PLCH1: variants seen among roughly 807,000 people sequenced by gnomAD.
PLCH1 encodes the protein phospholipase C eta 1.
A neutral mutation model predicts 126.7 loss-of-function variants in PLCH1; 60 were observed. That is an observed-to-expected ratio of 0.47 (90% confidence interval 0.38 to 0.59). The LOEUF (loss-of-function observed/expected upper bound fraction) is 0.59. PLCH1 is among the 20% of genes least tolerant of loss of function. The probability of loss-of-function intolerance (pLI) is 0.00; values close to 1 mark genes in which losing one functional copy is unlikely to be tolerated. For synonymous variants in PLCH1, 719 were observed against 734.9 expected (o/e 0.98, Z 0.35); for missense variants, 1,723 against 2,040.0 (o/e 0.84, Z 2.99).
chr3:155,724,418 G>T (rs533547466), intron 1 of PLCH1, among the ~76,000 whole-genome samples: 1 of 152,106 alleles, frequency 6.6e-6, no homozygotes, highest in African/African-American at 2.4e-5. Flanking sequence ...AAATTTGGGA[G>T]CTCCAGTGTC....
chr3:155,635,633 A>C (rs1257036559), intron 2 of PLCH1, among the ~76,000 whole-genome samples: 1 of 152,218 alleles, frequency 6.6e-6, no homozygotes, highest in Non-Finnish European at 1.5e-5. Flanking sequence ...CACTGAGCAA[A>C]TCCTACAGAG....
intron 21 of PLCH1, chr3:155,487,189 C>T (rs1393739307): frequency 6.6e-6 from 1 of 152,172 alleles, no homozygotes; most frequent in East Asian, 1.9e-4. Flanking sequence ...GCCAACATTT[C>T]TGAGCATTTA....
chr3:155,600,664 C>A (rs1304785923), intron 2 of PLCH1, among the ~76,000 whole-genome samples: 1 of 151,390 alleles, frequency 6.6e-6, no homozygotes, highest in Non-Finnish European at 1.5e-5. Context: ...GCCCATCACA[C>A]AGCACAAATA....
At chr3:155,742,055 C>A (rs545271796) in intron 1 of PLCH1, 1 of 152,158 alleles carries the variant, frequency 6.6e-6, no homozygotes, top group African/African-American at 2.4e-5. Context: ...CCAAATCAAT[C>A]GTTCTCCTTA....
chr3:155,725,669 A>G (rs1401093366), intron 1 of PLCH1, among the ~76,000 whole-genome samples: 1 of 152,006 alleles, frequency 6.6e-6, no homozygotes, highest in Admixed American at 6.6e-5. Flanking sequence ...TGAACTCCTG[A>G]CCTCAGGTGA....
At chr3:155,627,641 A>C (rs1213566630) in intron 2 of PLCH1, among the ~76,000 whole-genome samples, 1 of 137,030 alleles carries the variant, frequency 7.3e-6, no homozygotes, top group Non-Finnish European at 1.5e-5. Context: ...CTCAAAAAAA[A>C]AAAAACAAAT....
intron 2 of PLCH1, among the ~76,000 whole-genome samples, chr3:155,600,246 A>G (rs530974468): frequency 6.6e-6 from 1 of 152,302 alleles, no homozygotes; most frequent in Admixed American, 6.5e-5. Context: ...GTCACCAACA[A>G]TACATACAAA....
At chr3:155,526,439 C>T (rs2108306750) in intron 10 of PLCH1, among the ~76,000 whole-genome samples, 1 of 151,084 alleles carries the variant, frequency 6.6e-6, no homozygotes, top group Admixed American at 6.6e-5. Context: ...CTCTCTCTCT[C>T]TCTTTTTCTC....
chr3:155,717,290 C>T (rs1251983943), intron 1 of PLCH1, among the ~76,000 whole-genome samples: 2 of 152,194 alleles, frequency 1.3e-5, no homozygotes, highest in Admixed American at 6.5e-5. Context: ...TGTGGCTTTA[C>T]CATTCTGGGG....
chr3:155,455,902 G>A (rs970372982), intron 21 of PLCH1, among the ~76,000 whole-genome samples: 1 of 152,212 alleles, frequency 6.6e-6, no homozygotes, highest in African/African-American at 2.4e-5. Context: ...AATGAGGACT[G>A]ATAAGCCCTA....
chr3:155,590,690 C>G lies in PLCH1; in HGVS notation c.470+3251G>C, dbSNP rs543362781. ...GCGTGAACCCAGGAGGCGGAGCTTG[C>G]AGTGAGCCAAGATCACACCACTGCA... On this transcript the variant is annotated intron_variant, in intron 4 of 22. Transcript: ENST00000460012. 2.4e-4 allele frequency among the ~76,000 whole-genome samples: 37 copies of G among 152,288 alleles called. No homozygotes were observed. In the East Asian group the frequency reaches 5.8e-3, roughly 24 times the overall value.
At chr3:155,526,897 A>C (rs1377298691) in intron 10 of PLCH1, among the ~76,000 whole-genome samples, 1 of 152,248 alleles carries the variant, frequency 6.6e-6, no homozygotes. Flanking sequence ...TCCACTGAAG[A>C]TACCATTTCC....
intron 21 of PLCH1, among the ~76,000 whole-genome samples, chr3:155,471,090 T>C (rs1016670392): frequency 6.6e-6 from 1 of 151,826 alleles, no homozygotes; most frequent in Non-Finnish European, 1.5e-5. Flanking sequence ...TAACTTTAAA[T>C]ATAAATGGAC....
At chr3:155,696,972 C>T (rs982872923) in intron 2 of PLCH1, among the ~76,000 whole-genome samples, 1 of 152,202 alleles carries the variant, frequency 6.6e-6, no homozygotes, top group Non-Finnish European at 1.5e-5. Flanking sequence ...TCCACCTGGG[C>T]TTCCCATACA....
At chr3:155,660,704 GAGT>G (rs1235814331) in intron 2 of PLCH1, among the ~76,000 whole-genome samples, 1 of 152,172 alleles carries the variant, frequency 6.6e-6, no homozygotes, top group Non-Finnish European at 1.5e-5. Flanking sequence ...TCAGTCTCTA[GAGT>G]TTTGCCTCAT....
chr3:155,458,462 G>GA (rs1226356181), intron 21 of PLCH1, among the ~76,000 whole-genome samples: 41 of 85,016 alleles, frequency 4.8e-4, no homozygotes, highest in African/African-American at 4.0e-3. Context: ...AGGAAAGAAA[G>GA]AAAGAAAGAA....
intron 18 of PLCH1, 152 bp downstream of exon 18, chr3:155,492,577 A>G (rs2108083114): frequency 1.8e-6 from 1 of 564,932 alleles, no homozygotes; most frequent in East Asian, 3.4e-5. Context: ...GAACTGTGTG[A>G]CTTACCAATA....
chr3:155,512,093 C>T (rs1270159946), intron 12 of PLCH1, among the ~76,000 whole-genome samples: 1 of 149,786 alleles, frequency 6.7e-6, no homozygotes, highest in Non-Finnish European at 1.5e-5. Flanking sequence ...GCGCAATATT[C>T]AGGTGGGAGT....
intron 2 of PLCH1, among the ~76,000 whole-genome samples, chr3:155,621,413 G>A (rs1298109447): frequency 6.6e-6 from 1 of 152,166 alleles, no homozygotes; most frequent in African/African-American, 2.4e-5. Flanking sequence ...GAATGAGTTT[G>A]ACGAATTGAC....
Sources: allele counts gnomAD v4.1 joint callset (sites outside exome capture counted in the v4.1 genomes callset), GRCh38; gene constraint gnomAD v4.1.1; transcripts MANE v1.5; gene names NCBI Gene and HGNC (gene_info 2026-07-23, HGNC 2026-07-21).